PREP: variants seen among roughly 807,000 people sequenced by gnomAD.
The protein encoded by PREP is prolyl endopeptidase, also known as dJ355L5.1 (prolyl endopeptidase).
Under a neutral mutation model 87.6 loss-of-function variants are expected in PREP, and 29 were observed. The observed-to-expected ratio is 0.33, with a 90% confidence interval of 0.25 to 0.45. The LOEUF (loss-of-function observed/expected upper bound fraction) is 0.45. PREP is among the 20% of genes least tolerant of loss of function. The pLI, the probability that PREP is intolerant of heterozygous loss-of-function variation, is 1.00. For synonymous variants in PREP, 337 were observed against 328.6 expected, an observed-to-expected ratio of 1.03 and a Z score of -0.28; for missense variants, 695 against 886.5, an observed-to-expected ratio of 0.78 and a Z score of 2.74.
intron 2 of PREP, among the ~76,000 whole-genome samples, chr6:105,390,980 G>T (rs1773127633): frequency 6.6e-6 from 1 of 151,480 alleles, no homozygotes; most frequent in Non-Finnish European, 1.5e-5. Flanking sequence ...CTGGACATGA[G>T]GCCCATCTCC....
intron 14 of PREP, chr6:105,280,942 TATATTTGATATAAAGTATA>T (rs1161156611): frequency 1.3e-5 from 2 of 152,232 alleles, no homozygotes; most frequent in Admixed American, 1.3e-4. Flanking sequence ...GGAAATCCCA[TATATTTGATATAAAGTATA>T]ATAATACCTT....
intron 6 of PREP, 124 bp downstream of exon 6, chr6:105,368,779 T>C: frequency 8.3e-7 from 1 of 1,200,778 alleles, no homozygotes; most frequent in East Asian, 2.4e-5. Context: ...CCAATATTTT[T>C]AACAAAAGAA....
intron 12 of PREP, 86 bp from the exon 13 acceptor site, chr6:105,282,668 G>A: frequency 6.9e-7 from 1 of 1,455,652 alleles, no homozygotes; most frequent in Admixed American, 2.0e-5. Context: ...ATAGAGCACG[G>A]TTTCAAATAC....
chr6:105,374,614 C>T (rs1421278406), intron 4 of PREP, among the ~76,000 whole-genome samples: 1 of 110,718 alleles, frequency 9.0e-6, no homozygotes, highest in Non-Finnish European at 1.7e-5. Context: ...CTACATAGCA[C>T]TGGAGTGTTT....
chr6:105,360,714 G>C (rs112716911), intron 6 of PREP, among the ~76,000 whole-genome samples: 7 of 152,266 alleles, frequency 4.6e-5, no homozygotes, highest in African/African-American at 1.4e-4. Context: ...GCATATTCAG[G>C]AAAATAACTC....
At chr6:105,306,943 C>A (rs1375615737) in intron 10 of PREP, among the ~76,000 whole-genome samples, 1 of 152,140 alleles carries the variant, frequency 6.6e-6, no homozygotes, top group Non-Finnish European at 1.5e-5. Context: ...TGTGAGGACA[C>A]CTTTGCTTTT....
intron 6 of PREP, among the ~76,000 whole-genome samples, chr6:105,355,209 C>T (rs1772064508): frequency 6.6e-6 from 1 of 151,750 alleles, no homozygotes; most frequent in Admixed American, 6.6e-5. Context: ...CCTCAGCCTC[C>T]CGAGTAGCTG....
intron 10 of PREP, among the ~76,000 whole-genome samples, chr6:105,289,168 C>T (rs1770246811): frequency 6.6e-6 from 1 of 152,072 alleles, no homozygotes; most frequent in Admixed American, 6.5e-5. Flanking sequence ...ATCGTTTATC[C>T]TCTCCCAGCC....
At chr6:105,344,287 C>G (rs1407564946) in intron 7 of PREP, among the ~76,000 whole-genome samples, 1 of 152,030 alleles carries the variant, frequency 6.6e-6, no homozygotes, top group Non-Finnish European at 1.5e-5. Context: ...GTCAGGAGAT[C>G]GAGACCATCT....
intron 10 of PREP, 90 bp from the exon 11 acceptor site, chr6:105,288,984 C>T (rs1053678230): frequency 2.3e-6 from 3 of 1,327,196 alleles, no homozygotes; most frequent in Non-Finnish European, 1.0e-6. Flanking sequence ...ATTCTCTCTT[C>T]ATGATGTACA....
At chr6:105,289,230 C>T (rs1770248209) in intron 10 of PREP, among the ~76,000 whole-genome samples, 2 of 152,194 alleles carry the variant, frequency 1.3e-5, no homozygotes, top group Admixed American at 6.5e-5. Flanking sequence ...CCAGGCCTTC[C>T]CGGGGCACAC....
intron 1 of PREP, among the ~76,000 whole-genome samples, chr6:105,398,459 A>C (rs1028896029): frequency 6.6e-6 from 1 of 152,250 alleles, no homozygotes; most frequent in African/African-American, 2.4e-5. Flanking sequence ...TCTAATTGAC[A>C]TAAGTTCAAA....
chr6:105,343,874 G>A (rs976885816), intron 7 of PREP, among the ~76,000 whole-genome samples: 6 of 152,306 alleles, frequency 3.9e-5, no homozygotes, highest in Non-Finnish European at 7.3e-5. Flanking sequence ...GGAAACCACA[G>A]GTGCTGGAGA....
At chr6:105,315,359 T>C (rs1770839147) in intron 10 of PREP, among the ~76,000 whole-genome samples, 1 of 152,174 alleles carries the variant, frequency 6.6e-6, no homozygotes, top group Non-Finnish European at 1.5e-5. Context: ...ATAAATTTTG[T>C]ATGGGATTGC....
intron 6 of PREP, among the ~76,000 whole-genome samples, chr6:105,357,074 T>C (rs1359697186): frequency 2.6e-5 from 4 of 152,238 alleles, no homozygotes; most frequent in Admixed American, 2.0e-4. Flanking sequence ...AAGCTTTTAA[T>C]ATACATGGCT....
intron 7 of PREP, among the ~76,000 whole-genome samples, chr6:105,339,066 A>G (rs1771559357): frequency 1.3e-5 from 2 of 152,222 alleles, no homozygotes; most frequent in South Asian, 2.1e-4. Context: ...TTGAGATCTG[A>G]GAACGAACAG....
At chr6:105,306,350 T>A (rs1770657497) in intron 10 of PREP, among the ~76,000 whole-genome samples, 1 of 151,662 alleles carries the variant, frequency 6.6e-6, no homozygotes, top group South Asian at 2.1e-4. Context: ...GTATGTGGAG[T>A]GCAAGAACGT....
chr6:105,330,192 C>G (rs11156437), intron 8 of PREP, among the ~76,000 whole-genome samples: 1 of 151,984 alleles, frequency 6.6e-6, no homozygotes, highest in African/African-American at 2.4e-5. Context: ...GAGCCACTGT[C>G]TGAACACAAG....
At chr6:105,341,816 AC>A (rs1771659331) in intron 7 of PREP, among the ~76,000 whole-genome samples, 1 of 152,194 alleles carries the variant, frequency 6.6e-6, no homozygotes, top group South Asian at 2.1e-4. Context: ...CTGGACACAC[AC>A]GCCCTCCCAA....
Sources: allele counts gnomAD v4.1 joint callset (sites outside exome capture counted in the v4.1 genomes callset), GRCh38; gene constraint gnomAD v4.1.1; transcripts MANE v1.5; gene names NCBI Gene and HGNC (gene_info 2026-07-23, HGNC 2026-07-21).